Variants in CCDC187 observed in about 807,000 individuals in gnomAD.
CCDC187 encodes coiled-coil domain containing 187, also known as coiled-coil domain-containing protein 187.
CCDC187 carries 32 observed loss-of-function variants against 38.0 expected under a neutral mutation model. That is an observed-to-expected ratio of 0.84 (90% confidence interval 0.64 to 1.13). The LOEUF is 1.13. Ranked by LOEUF, CCDC187 falls within the 50% of genes most tolerant of loss-of-function variation. The pLI is 0.00. For synonymous variants in CCDC187, 333 were observed against 347.9 expected (o/e 0.96, Z 0.48); for missense variants, 707 against 786.8 (o/e 0.90, Z 1.21).
Position 136,273,855 on chromosome 9 carries a change from C to T in CCDC187, c.3442+803G>A, listed in dbSNP as rs113222257. ...GCAGGTGCCAAGCCTGGAGATGGGG[C>T]GACTGTGGCCGGCTGGGAAGTCACC... On this transcript the variant is annotated intron_variant, in intron 14 of 25. Transcript: ENST00000638797. Among the ~76,000 whole-genome samples, 447 of 152,364 alleles carry T rather than the reference C, an allele frequency of 2.9e-3. 1 individual carries two copies. Among genetic ancestry groups the T allele is most frequent in the African/African-American group, 9.9e-3 (410 of 41,590 alleles).
At chr9:136,293,682 AC>A (rs1161165987) in intron 4 of CCDC187, among the ~76,000 whole-genome samples, 34,328 of 151,926 alleles carry the variant, frequency 0.23, 3,982 homozygotes, top group East Asian at 0.27. Context: ...ATGCCCTCGC[AC>A]GTGCTGTCAC....
In CCDC187 at chr9:136,290,694, C is replaced by T. The variant is rs941882694; in HGVS notation, c.1919G>A (p.Arg640Gln). ...LGPSHSSESLREFMRQKAQAR... is the reference protein window; with the variant it reads ...LGPSHSSESLQEFMRQKAQAR... Reference sequence around the variant, plus strand: ...CTGCGCCTTCTGGCGCATGAACTCCCGCAAGGACTCAGAGCTGTGCGAGGG... The same window carrying T: ...CTGCGCCTTCTGGCGCATGAACTCCTGCAAGGACTCAGAGCTGTGCGAGGG... Residue 640 changes from arginine (R) to glutamine (Q), a missense_variant, in exon 6 of 26, where the codon CGG becomes CAG. Arg to Gln is a conservative substitution (Grantham distance 43). Transcript: ENST00000638797. The T allele has an allele frequency of 2.1e-4, 83 of 398,580 alleles. No individual in the cohort carries two copies. In the South Asian group the frequency reaches 8.4e-3, roughly 40 times the overall value. 24.7% of individuals were successfully genotyped at this position (398,580 alleles called of 1,614,324 possible). A position where few individuals can be genotyped will look rare whatever the true frequency, so the allele number is the denominator to read the frequency against.
At chr9:136,289,914 C>CCA in intron 7 of CCDC187, 45 bp downstream of exon 7, 1 of 392,848 alleles carries the variant, frequency 2.5e-6, no homozygotes, top group Non-Finnish European at 4.5e-6. Flanking sequence ...TGGCCCCCCC[C>CCA]AAGGCCCCGC....
chr9:136,251,922 CCT>C lies in CCDC187; in HGVS notation c.*1670_*1671del, dbSNP rs1830544616. ...GGAGCCGGCCGCCCACCTGGTCCACCCTGGGAAGAGCCGGCCGCCCACCCAGT... is the reference window on the plus strand; with the variant it reads ...GGAGCCGGCCGCCCACCTGGTCCACCGGGAAGAGCCGGCCGCCCACCCAGT... On this transcript the variant is annotated 3_prime_UTR_variant, in exon 26 of 26. Coordinates refer to ENST00000638797, the MANE Select transcript of CCDC187 (RefSeq NM_001378188.1). 1 of 134,400 alleles carries C rather than the reference CCT, an allele frequency of 7.4e-6. No homozygotes were observed. The highest frequency in any genetic ancestry group is 7.4e-5 in the Admixed American group (1 of 13,584). The allele number at this position is 134,400 out of a possible 1,614,324, so 8.3% of individuals were successfully genotyped here. A position where few individuals can be genotyped will look rare whatever the true frequency, so the allele number is the denominator to read the frequency against.
Position 136,263,613 on chromosome 9 carries a change from A to T in CCDC187, c.3912+9T>A. 1.0e-6 allele frequency: 1 copy of T among 985,402 alleles called. No individual in the cohort carries two copies. The highest frequency in any genetic ancestry group is 1.2e-6 in the Non-Finnish European group (1 of 829,908). The allele number at this position is 985,402 out of a possible 1,614,324, so 61.0% of individuals were successfully genotyped here. ...GCAGCTGAGTCCCAGCCCAGGCGAG[A>T]GCACCCACCTGCTGCAGCTTGGCCT... is the stretch of plus-strand genomic sequence containing the variant. On this transcript the variant is annotated intron_variant, in intron 18 of 25. Transcript: ENST00000638797.
In CCDC187 at chr9:136,253,634, C is replaced by T; in HGVS notation, c.6194G>A (p.Gly2065Glu). 1 of 985,560 alleles carries T rather than the reference C, an allele frequency of 1.0e-6. No individual in the cohort carries two copies. The highest frequency in any genetic ancestry group is 1.7e-5 in the African/African-American group (1 of 57,368). 61.1% of individuals were successfully genotyped at this position (985,560 alleles called of 1,614,324 possible). A position where few individuals can be genotyped will look rare whatever the true frequency, so the allele number is the denominator to read the frequency against. The part of the protein sequence containing the change: ...SSLSEESLPE[G>E]LFPGPQGSAG... Reference sequence around the variant, plus strand: ...CGACCCCTGGGGCCCAGGAAACAGTCCCTCCGGCAGACTCTCCTCAGACAA... The same window carrying T: ...CGACCCCTGGGGCCCAGGAAACAGTTCCTCCGGCAGACTCTCCTCAGACAA... The change falls in exon 26 of 26, where the codon GGA (glycine) becomes GAA (glutamate). Residue 2065 changes from glycine to glutamate, a missense_variant. Gly to Glu is a moderately conservative substitution (Grantham distance 98). Coordinates refer to ENST00000638797, the MANE Select transcript of CCDC187 (RefSeq NM_001378188.1).
chr9:136,305,946 C>T (rs1052283288), upstream of CCDC187, among the ~76,000 whole-genome samples: 6 of 152,190 alleles, frequency 3.9e-5, no homozygotes, highest in Non-Finnish European at 7.4e-5. Context: ...CGTCAGCTCC[C>T]GAAGGCGGGT....
At chr9:136,305,450 G>A (rs1028885017), upstream of CCDC187, among the ~76,000 whole-genome samples, 5 of 152,176 alleles carry the variant, frequency 3.3e-5, no homozygotes, top group East Asian at 9.7e-4. Flanking sequence ...CCCCTCTGCA[G>A]CCTCTGCTTC....
chr9:136,280,977 AAC>A (rs1196269230), intron 10 of CCDC187: 1 of 161,978 alleles, frequency 6.2e-6, no homozygotes, highest in African/African-American at 2.4e-5. Context: ...GAAGAAAATC[AAC>A]AGACAATGAT....
At chr9:136,306,034 C>A (rs932074451), upstream of CCDC187, among the ~76,000 whole-genome samples, 1 of 152,244 alleles carries the variant, frequency 6.6e-6, no homozygotes, top group African/African-American at 2.4e-5. Flanking sequence ...GGCGCCCCTG[C>A]CCTGCCCCCA....
intron 10 of CCDC187, among the ~76,000 whole-genome samples, chr9:136,277,122 C>T (rs1228036207): frequency 6.6e-6 from 1 of 151,866 alleles, no homozygotes; most frequent in Admixed American, 6.6e-5. Context: ...CCGGGTCTGT[C>T]ATGCATTTGC....
intron 18 of CCDC187, among the ~76,000 whole-genome samples, 166 bp downstream of exon 18, chr9:136,263,456 C>G (rs953994853): frequency 6.6e-6 from 1 of 152,030 alleles, no homozygotes; most frequent in Non-Finnish European, 1.5e-5. Flanking sequence ...GGATGGTCTC[C>G]ATCTCCTGAC....
chr9:136,254,854 T>G lies in CCDC187; in HGVS notation c.4974A>C (p.Pro1658=). 1 of 985,464 alleles carries G rather than the reference T, an allele frequency of 1.0e-6. No homozygotes were observed. The highest frequency in any genetic ancestry group is 1.2e-6 in the Non-Finnish European group (1 of 829,958). 61.0% of individuals were successfully genotyped at this position (985,464 alleles called of 1,614,324 possible). A position where few individuals can be genotyped will look rare whatever the true frequency, so the allele number is the denominator to read the frequency against. ...CTCCAGGCCAGCTGAAACCTTCGTC[T>G]GGGGAGTCTTCAGCTTCCAAGCTGG... is the stretch of plus-strand genomic sequence containing the variant. ...SLPSLEAEDS[P]DEGFSWPGEL... is the part of the protein sequence containing the mutation. The change falls in exon 26 of 26, where the codon CCA becomes CCC. Residue 1658 remains proline (P), a synonymous_variant. Coordinates refer to ENST00000638797, the MANE Select transcript of CCDC187 (RefSeq NM_001378188.1).
chr9:136,290,503 T>A lies in CCDC187; in HGVS notation c.2110A>T (p.Ser704Cys), dbSNP rs1357475301. The part of the protein sequence containing the change: ...TTPGIVTFVP[S>C]SAQSGGLEAS... Reference sequence around the variant, plus strand: ...GCATGTACCCCGGACTGTGCAGAACTGGGGACAAAGGTCACGATGCCAGGG... The same window carrying A: ...GCATGTACCCCGGACTGTGCAGAACAGGGGACAAAGGTCACGATGCCAGGG... The change falls in exon 6 of 26, where the codon AGT (serine) becomes TGT (cysteine). Residue 704 changes from serine to cysteine, a missense_variant. Transcript: ENST00000638797. 18 of 398,214 alleles carry A rather than the reference T, an allele frequency of 4.5e-5. No homozygotes were observed. In the South Asian group the frequency reaches 6.4e-4, roughly 14 times the overall value. 24.7% of individuals were successfully genotyped at this position (398,214 alleles called of 1,614,324 possible). A position where few individuals can be genotyped will look rare whatever the true frequency, so the allele number is the denominator to read the frequency against.
intron 19 of CCDC187, 117 bp downstream of exon 19, chr9:136,262,194 G>T (rs782194316): frequency 2.8e-5 from 26 of 915,216 alleles, no homozygotes; most frequent in South Asian, 5.0e-5. Flanking sequence ...GGCTACACGT[G>T]CCACCCCGGC....
At chr9:136,277,297 A>G (rs1830949716) in intron 10 of CCDC187, among the ~76,000 whole-genome samples, 1 of 28,732 alleles carries the variant, frequency 3.5e-5, no homozygotes, top group South Asian at 1.6e-3. Context: ...GTGGGTGATG[A>G]CGGGGTGGGT....
At chr9:136,272,984 T>C (rs1221826325) in intron 14 of CCDC187, among the ~76,000 whole-genome samples, 4 of 152,226 alleles carry the variant, frequency 2.6e-5, no homozygotes, top group Non-Finnish European at 5.9e-5. Context: ...GTATATACTA[T>C]TATAAATCCT....
At chr9:136,292,351 G>A in intron 4 of CCDC187, 56 bp from the exon 5 acceptor site, 2 of 398,480 alleles carry the variant, frequency 5.0e-6, no homozygotes, top group Non-Finnish European at 8.9e-6. Context: ...CTGGGCACTG[G>A]CCCGGACGGG....
In CCDC187 at chr9:136,302,862, C is replaced by T. The variant is rs1428981722; in HGVS notation, c.575G>A (p.Arg192Lys). The change falls in exon 2 of 26, where the codon AGG becomes AAG. Residue 192 changes from arginine (R) to lysine (K), a missense_variant. Arg to Lys is a conservative substitution (Grantham distance 26). Transcript: ENST00000638797. Reference sequence around the variant, plus strand: ...ATTTTTTGCCTCTTGGCCTTTCCTCCTAAGCATCAGCGTGGAGGCTTTGTG... The same window carrying T: ...ATTTTTTGCCTCTTGGCCTTTCCTCTTAAGCATCAGCGTGGAGGCTTTGTG... The part of the protein sequence containing the change: ...RLHKASTLML[R>K]RKGQEAKNPP... The T allele has an allele frequency of 7.5e-6, 3 of 398,668 alleles. No homozygotes were observed. The highest frequency in any genetic ancestry group is 1.3e-5 in the Non-Finnish European group (3 of 226,188). The allele number at this position is 398,668 out of a possible 1,614,324, so 24.7% of individuals were successfully genotyped here. A position where few individuals can be genotyped will look rare whatever the true frequency, so the allele number is the denominator to read the frequency against.
Sources: allele counts gnomAD v4.1 joint callset (sites outside exome capture counted in the v4.1 genomes callset), GRCh38; gene constraint gnomAD v4.1.1; transcripts MANE v1.5; gene names NCBI Gene and HGNC (gene_info 2026-07-23, HGNC 2026-07-21).